The following FRMD3 variants were observed in gnomAD, a reference collection of about 807,000 sequenced individuals.
FRMD3 encodes the protein FERM domain-containing protein 3.
In FRMD3, 33 loss-of-function variants were observed where a neutral mutation model predicts 70.2. The ratio of observed to expected loss-of-function variants is 0.47; its 90% CI spans 0.36 to 0.63. The LOEUF (loss-of-function observed/expected upper bound fraction) is 0.63, where lower values mean the gene tolerates loss of function less well. Among genes scored for constraint, FRMD3 ranks in the 20% least tolerant of loss-of-function variants. FRMD3 has a pLI of 0.00. For synonymous variants in FRMD3, 279 were observed against 255.9 expected, an observed-to-expected ratio of 1.09 and a Z score of -0.86; for missense variants, 632 against 711.4, an observed-to-expected ratio of 0.89 and a Z score of 1.27.
intron 2 of FRMD3, 33 bp from the exon 3 acceptor site, chr9:83,372,988 G>A (rs1039907066): frequency 6.3e-7 from 1 of 1,583,458 alleles, no homozygotes. Flanking sequence ...CAGAGATCAG[G>A]GGTCAAATTG....
chr9:83,528,059 T>C (rs529310981), intron 1 of FRMD3, among the ~76,000 whole-genome samples: 1 of 152,346 alleles, frequency 6.6e-6, no homozygotes, highest in East Asian at 1.9e-4. Context: ...AAGTAACAAC[T>C]TAATAATTCA....
At chr9:83,487,532 G>A (rs1028843485) in intron 1 of FRMD3, among the ~76,000 whole-genome samples, 5 of 152,184 alleles carry the variant, frequency 3.3e-5, no homozygotes, top group African/African-American at 4.8e-5. Context: ...TACTGCTAGA[G>A]TTAGTGAACT....
At chr9:83,582,446 C>A in the FRMD3 span, among the ~76,000 whole-genome samples, 3 of 152,166 alleles carry the variant, frequency 2.0e-5, no homozygotes, top group Non-Finnish European at 2.9e-5. Context: ...AACCTAGTAT[C>A]TGTTTTACTG....
intron 1 of FRMD3, among the ~76,000 whole-genome samples, chr9:83,445,465 G>A (rs983242769): frequency 6.6e-6 from 1 of 152,204 alleles, no homozygotes; most frequent in East Asian, 1.9e-4. Flanking sequence ...GGCACCGGAA[G>A]GGGCCTCTCT....
chr9:83,566,519 T>C, the FRMD3 span, among the ~76,000 whole-genome samples: 4 of 152,114 alleles, frequency 2.6e-5, no homozygotes, highest in Non-Finnish European at 2.9e-5. Context: ...CAGAAGTCCA[T>C]AGTCCAAAGT....
intron 1 of FRMD3, among the ~76,000 whole-genome samples, chr9:83,405,423 T>C (rs549862502): frequency 1.3e-5 from 2 of 152,100 alleles, no homozygotes; most frequent in South Asian, 2.1e-4. Context: ...AGTTGCATCA[T>C]GGGATGAGGA....
chr9:83,501,867 G>A (rs1829077253), intron 1 of FRMD3, among the ~76,000 whole-genome samples: 1 of 152,156 alleles, frequency 6.6e-6, no homozygotes, highest in South Asian at 2.1e-4. Context: ...GAGGGAAAAG[G>A]AAAGCCAACT....
At chr9:83,445,548 T>G (rs1043985238) in intron 1 of FRMD3, among the ~76,000 whole-genome samples, 1 of 152,210 alleles carries the variant, frequency 6.6e-6, no homozygotes, top group Admixed American at 6.5e-5. Context: ...CAAAACTGGC[T>G]TTCTCCTATT....
At chr9:83,315,067 A>G (rs1215889543) in intron 6 of FRMD3, among the ~76,000 whole-genome samples, 1 of 151,992 alleles carries the variant, frequency 6.6e-6, no homozygotes, top group Non-Finnish European at 1.5e-5. Flanking sequence ...TTTTTTAAAT[A>G]TCAATGAAAT....
At chr9:83,579,155 T>C in the FRMD3 span, among the ~76,000 whole-genome samples, 4 of 151,744 alleles carry the variant, frequency 2.6e-5, no homozygotes, top group Non-Finnish European at 4.4e-5. Flanking sequence ...GATGAAATAA[T>C]AGGAGGAAAC....
chr9:83,408,785 C>T (rs990414403), intron 1 of FRMD3, among the ~76,000 whole-genome samples: 1 of 152,182 alleles, frequency 6.6e-6, no homozygotes, highest in African/African-American at 2.4e-5. Context: ...CAGAGTTAAG[C>T]TGCTACCACA....
intron 3 of FRMD3, chr9:83,351,009 T>C: frequency 3.1e-6 from 3 of 971,932 alleles, no homozygotes; most frequent in Non-Finnish European, 2.4e-6. Context: ...CATTTGCTTC[T>C]GTATCAGTAA....
intron 1 of FRMD3, among the ~76,000 whole-genome samples, chr9:83,529,671 A>C (rs745903536): frequency 1.8e-4 from 28 of 152,240 alleles, no homozygotes; most frequent in Non-Finnish European, 3.2e-4. Flanking sequence ...ATCAAAATTA[A>C]AAGCTTTTTT....
chr9:83,503,320 G>A (rs1829113847), intron 1 of FRMD3, among the ~76,000 whole-genome samples: 3 of 152,192 alleles, frequency 2.0e-5, no homozygotes, highest in Non-Finnish European at 4.4e-5. Flanking sequence ...AATTCAGAGA[G>A]ATTCAAAGCA....
chr9:83,301,625 G>A (rs1834932539), intron 10 of FRMD3, among the ~76,000 whole-genome samples: 1 of 152,206 alleles, frequency 6.6e-6, no homozygotes, highest in Non-Finnish European at 1.5e-5. Flanking sequence ...GGCAAAGCCG[G>A]CGCAGGTGTG....
intron 1 of FRMD3, among the ~76,000 whole-genome samples, chr9:83,396,483 T>C (rs1295065768): frequency 1.3e-5 from 2 of 152,218 alleles, no homozygotes; most frequent in African/African-American, 2.4e-5. Flanking sequence ...CAAGGAACTA[T>C]GACCCAATCG....
intron 4 of FRMD3, among the ~76,000 whole-genome samples, chr9:83,344,441 T>C (rs1823882095): frequency 6.6e-6 from 1 of 152,230 alleles, no homozygotes; most frequent in Non-Finnish European, 1.5e-5. Context: ...AGGGTGATTC[T>C]GGAAGAGATT....
chr9:83,244,144 A>AAAAG (rs1554674740), downstream of FRMD3, among the ~76,000 whole-genome samples: 1,776 of 150,348 alleles, frequency 0.012, 27 homozygotes, highest in African/African-American at 0.026. Context: ...CAAAAAAAAA[A>AAAAG]AAGTGGAATC....
chr9:83,349,855 T>G, intron 3 of FRMD3, 98 bp from the exon 4 acceptor site: 2 of 800,262 alleles, frequency 2.5e-6, no homozygotes, highest in Non-Finnish European at 2.0e-6. Context: ...CAGACTAGCC[T>G]GGGGAGTGGG....
Sources: gnomAD v4.1 joint callset for allele counts (sites outside exome capture counted in the v4.1 genomes callset) on GRCh38, gnomAD v4.1.1 for gene constraint, MANE v1.5 for transcripts, NCBI Gene and HGNC (gene_info 2026-07-23, HGNC 2026-07-21) for gene names.